Variants in MGAT4B observed in about 807,000 individuals in gnomAD.
MGAT4B encodes the protein alpha-1,3-mannosyl-glycoprotein 4-beta-N-acetylglucosaminyltransferase B, also known as N-acetylglucosaminyltransferase IVb.
Under a neutral mutation model 73.9 loss-of-function variants are expected in MGAT4B, and 38 were observed. The observed-to-expected ratio is 0.51, with a 90% CI of 0.40 to 0.67. The LOEUF (loss-of-function observed/expected upper bound fraction) is 0.67. Ranked by LOEUF, MGAT4B falls within the 30% of genes least tolerant of loss-of-function variation. The probability of loss-of-function intolerance (pLI) is 0.00; values close to 1 mark genes in which losing one functional copy is unlikely to be tolerated. For missense variants in MGAT4B, 686 were observed against 735.2 expected, an observed-to-expected ratio of 0.93 and a Z score of 0.77; for synonymous variants, 373 against 313.5, an observed-to-expected ratio of 1.19 and a Z score of -2.01.
At chr5:179,802,388 G>C in intron 1 of MGAT4B, 4 of 1,243,966 alleles carry the variant, frequency 3.2e-6, no homozygotes, top group Non-Finnish European at 4.0e-6. Flanking sequence ...CAAGGTCCTG[G>C]TGCTAGCTCT....
chr5:179,801,281 C>A lies in MGAT4B; in HGVS notation c.558+53G>T. The stretch of plus-strand genomic sequence containing the variant: ...GGAATGGTTCCTGCTGTCAGTTCTG[C>A]ACCGCGGGGGCTCCTCTGAATGTCC... On this transcript the variant is annotated intron_variant, in intron 4 of 14. Coordinates refer to ENST00000292591, the MANE Select transcript of MGAT4B (RefSeq NM_014275.5). The surrounding 1 kb of genome is among the most constrained non-coding windows in gnomAD (Gnocchi z 4.8). 1 of 1,562,246 alleles carries A rather than the reference C, an allele frequency of 6.4e-7. No homozygotes were observed. The highest frequency in any genetic ancestry group is 8.7e-7 in the Non-Finnish European group (1 of 1,150,778).
At position 179,801,742 on chromosome 5, in the gene MGAT4B, C is replaced by T. The variant is rs1197194615; in HGVS notation, c.283+42G>A. 1.9e-6 allele frequency: 3 copies of T among 1,577,928 alleles called. No individual in the cohort carries two copies. Among genetic ancestry groups the T allele is most frequent in the South Asian group, 2.3e-5 (2 of 86,984 alleles). ...GGACTGAGACCAGGGAACCTACAAC[C>T]AGCCCGCCCCCGCCTTTTCCCCCTC... On this transcript the variant is annotated intron_variant, in intron 2 of 14. Transcript: ENST00000292591. This position sits in a 1 kb window ranked among gnomAD's most constrained non-coding sequence, Gnocchi z 4.8.
intron 5 of MGAT4B, 148 bp downstream of exon 5, chr5:179,800,759 C>A: frequency 9.5e-7 from 1 of 1,049,386 alleles, no homozygotes; most frequent in Non-Finnish European, 1.4e-6. Context: ...GGCTGGGCCA[C>A]TTCTGCACAC....
intron 8 of MGAT4B, 83 bp downstream of exon 8, chr5:179,799,871 C>A: frequency 7.2e-7 from 1 of 1,394,222 alleles, no homozygotes; most frequent in Non-Finnish European, 1.0e-6. Context: ...CAAAGGCTCA[C>A]AGTGGACACA....
intron 8 of MGAT4B, 107 bp from the exon 9 acceptor site, chr5:179,799,743 G>A (rs1018093267): frequency 7.2e-5 from 111 of 1,543,704 alleles, no homozygotes; most frequent in Non-Finnish European, 9.5e-5. Flanking sequence ...TCAGGCAGGT[G>A]TGGGCATAAC....
Position 179,798,897 on chromosome 5 carries a change from C to T in MGAT4B, c.1343+31G>A, listed in dbSNP as rs577469008. 6.8e-6 allele frequency: 11 copies of T among 1,612,214 alleles called. No individual in the cohort carries two copies. The South Asian group carries it at 7.7e-5, about 11-fold the overall frequency. On this transcript the variant is annotated intron_variant, in intron 11 of 14. Coordinates refer to ENST00000292591, the MANE Select transcript of MGAT4B (RefSeq NM_014275.5). ...ACCCTGGGGGCCACCCAGCCCCGCC[C>T]CCATCGCAGACCCATGGTGCTGGCA...
chr5:179,804,210 C>T (rs1757052192), intron 1 of MGAT4B, among the ~76,000 whole-genome samples: 1 of 152,230 alleles, frequency 6.6e-6, no homozygotes, highest in African/African-American at 2.4e-5. Flanking sequence ...AACCTTTGTG[C>T]CTTGTACTCA....
In MGAT4B at chr5:179,801,715, C is replaced by G; in HGVS notation, c.284-21G>C. On this transcript the variant is annotated intron_variant, in intron 2 of 14. Transcript: ENST00000292591. This position sits in a 1 kb window ranked among gnomAD's most constrained non-coding sequence, Gnocchi z 4.8. ...GTCCTCTGGGTGGGTCGGGAAGGATCGGGACTGAGACCAGGGAACCTACAA... is the reference window on the plus strand; with the variant it reads ...GTCCTCTGGGTGGGTCGGGAAGGATGGGGACTGAGACCAGGGAACCTACAA... 1.2e-6 allele frequency: 2 copies of G among 1,603,074 alleles called. No individual in the cohort carries two copies. Among genetic ancestry groups the G allele is most frequent in the South Asian group, 1.1e-5 (1 of 89,292 alleles).
Position 179,801,219 on chromosome 5 carries a change from T to C in MGAT4B, c.558+115A>G. The C allele has an allele frequency of 2.8e-6, 4 of 1,410,222 alleles. No homozygotes were observed. The highest frequency in any genetic ancestry group is 1.4e-5 in the South Asian group (1 of 70,890). The allele number at this position is 1,410,222 out of a possible 1,614,324, so 87.4% of individuals were successfully genotyped here. On this transcript the variant is annotated intron_variant, in intron 4 of 14. Coordinates refer to ENST00000292591, the MANE Select transcript of MGAT4B (RefSeq NM_014275.5). This position sits in a 1 kb window ranked among gnomAD's most constrained non-coding sequence, Gnocchi z 4.8. ...CTTTCTATCTCGGAGCATTTGCGAA[T>C]GAAACTAGCAACTGAACTTCCGACA...
Position 179,806,362 on chromosome 5 carries a change from G to A in MGAT4B, c.97+125C>T, listed in dbSNP as rs1227444415. The A allele has an allele frequency of 3.4e-5, 13 of 384,018 alleles. No individual in the cohort carries two copies. Among genetic ancestry groups the A allele is most frequent in the Non-Finnish European group, 4.5e-5 (12 of 268,708 alleles). The allele number at this position is 384,018 out of a possible 1,614,324, so 23.8% of individuals were successfully genotyped here. A position where few individuals can be genotyped will look rare whatever the true frequency, so the allele number is the denominator to read the frequency against. On this transcript the variant is annotated intron_variant, in intron 1 of 14. Transcript: ENST00000292591. The surrounding 1 kb of genome is among the most constrained non-coding windows in gnomAD (Gnocchi z 4.6). Reference sequence around the variant, plus strand: ...GGGAGGGTGGGAGGGGCGTCCTCGCGCCGCCCGGGCGGGGAAGGGGCGCCT... The same window carrying A: ...GGGAGGGTGGGAGGGGCGTCCTCGCACCGCCCGGGCGGGGAAGGGGCGCCT...
In MGAT4B at chr5:179,801,075, G is replaced by A; in HGVS notation, c.559-122C>T. On this transcript the variant is annotated intron_variant, in intron 4 of 14. Transcript: ENST00000292591. This position sits in a 1 kb window ranked among gnomAD's most constrained non-coding sequence, Gnocchi z 4.8. Reference sequence around the variant, plus strand: ...GTGGAGGGAGTGAGCCTGCTGTGCTGAGGGCGGAGTAAGGGGGCCCCCAGA... The same window carrying A: ...GTGGAGGGAGTGAGCCTGCTGTGCTAAGGGCGGAGTAAGGGGGCCCCCAGA... The A allele has an allele frequency of 1.5e-6, 2 of 1,333,354 alleles. No individual in the cohort carries two copies. The highest frequency in any genetic ancestry group is 1.2e-5 in the South Asian group (1 of 80,520). The allele number at this position is 1,333,354 out of a possible 1,614,324, so 82.6% of individuals were successfully genotyped here. A position where few individuals can be genotyped will look rare whatever the true frequency, so the allele number is the denominator to read the frequency against.
Position 179,801,973 on chromosome 5 carries a change from C to T in MGAT4B, c.98-4G>A, listed in dbSNP as rs769923724. On this transcript the variant is annotated splice_region_variant and splice_polypyrimidine_tract_variant and intron_variant, in intron 1 of 14. Coordinates refer to ENST00000292591, the MANE Select transcript of MGAT4B (RefSeq NM_014275.5). The surrounding 1 kb of genome is among the most constrained non-coding windows in gnomAD (Gnocchi z 4.8). The stretch of plus-strand genomic sequence containing the variant: ...TGGTAAACGTCCACAACGTCGCCTG[C>T]AGGTGGTAGGCAAGCCGTCACGAGG... The T allele has an allele frequency of 1.1e-5, 17 of 1,613,374 alleles. No homozygotes were observed. The highest frequency in any genetic ancestry group is 1.7e-5 in the Admixed American group (1 of 60,026).
chr5:179,799,429 G>A, intron 9 of MGAT4B, 77 bp downstream of exon 9: 7 of 1,609,092 alleles, frequency 4.4e-6, no homozygotes, highest in Non-Finnish European at 5.9e-6. Context: ...GCAGATGCAA[G>A]GACAGGGACA....
chr5:179,799,851 C>A, intron 8 of MGAT4B, 103 bp downstream of exon 8: 1 of 1,312,762 alleles, frequency 7.6e-7, no homozygotes, highest in South Asian at 1.3e-5. Flanking sequence ...CCAGGCAGGG[C>A]CCACCTGGGC....
Position 179,801,851 on chromosome 5 carries a change from C to G in MGAT4B, c.216G>C (p.Lys72Asn). The stretch of plus-strand genomic sequence containing the variant: ...GCGCCTGCCTTTCTGACACGGCCCT[C>G]TTGATCTCGTCCAGCACCAGGTTGA... Reference protein sequence around the residue: ...KELNLVLDEIKRAVSERQALR... With the variant: ...KELNLVLDEINRAVSERQALR... The change falls in exon 2 of 15, where the codon AAG (lysine) becomes AAC (asparagine). Residue 72 changes from lysine (K) to asparagine (N), a missense_variant. Lys to Asn is a moderately conservative substitution (Grantham distance 94). Around this residue, in one of 2 missense-constraint regions of MGAT4B, gnomAD observed 237 missense variants for 198.5 expected, o/e 1.19. Coordinates refer to ENST00000292591, the MANE Select transcript of MGAT4B (RefSeq NM_014275.5). This position sits in a 1 kb window ranked among gnomAD's most constrained non-coding sequence, Gnocchi z 4.8. The G allele has an allele frequency of 1.2e-6, 2 of 1,610,460 alleles. No individual in the cohort carries two copies. The highest frequency in any genetic ancestry group is 1.7e-6 in the Non-Finnish European group (2 of 1,177,526).
rs537213188 is a variant in MGAT4B, at chr5:179,800,466, TG to T, written c.719+17del. ...ACAGGCAGGCGGGTTGCTGAGGGTA[TG>T]GGGGAGTAACTAGTACCTGACTCTC... On this transcript the variant is annotated intron_variant, in intron 6 of 14. Coordinates refer to ENST00000292591, the MANE Select transcript of MGAT4B (RefSeq NM_014275.5). The T allele has an allele frequency of 2.8e-4, 439 of 1,546,590 alleles. 2 individuals carry two copies. In the African/African-American group the frequency reaches 5.4e-3, roughly 19 times the overall value.
At chr5:179,802,344 T>C in intron 1 of MGAT4B, 1 of 1,336,968 alleles carries the variant, frequency 7.5e-7, no homozygotes, top group Non-Finnish European at 9.5e-7. Context: ...TCTTGCTTTT[T>C]GCAGCACACG....
At chr5:179,804,395 G>C (rs545653787) in intron 1 of MGAT4B, among the ~76,000 whole-genome samples, 1 of 152,332 alleles carries the variant, frequency 6.6e-6, no homozygotes, top group Non-Finnish European at 1.5e-5. Flanking sequence ...ACAGCCTGAA[G>C]GCTGGGAGCG....
At chr5:179,805,332 G>A in intron 1 of MGAT4B, 1 of 152,450 alleles carries the variant, frequency 6.6e-6, no homozygotes. Context: ...GACCCAGAAT[G>A]TCCTTCCCCA....
Sources: allele counts gnomAD v4.1 joint callset (sites outside exome capture counted in the v4.1 genomes callset), GRCh38; gene constraint gnomAD v4.1.1; regional missense constraint gnomAD v4.1.1; non-coding constraint Gnocchi (gnomAD v3.1); transcripts MANE v1.5; gene names NCBI Gene and HGNC (gene_info 2026-07-23, HGNC 2026-07-21).